Variants in GALNT7 observed in about 807,000 individuals in gnomAD.
GALNT7 encodes the protein polypeptide N-acetylgalactosaminyltransferase 7, also known as N-acetylgalactosaminyltransferase 7.
GALNT7 carries 60 observed loss-of-function variants against 82.1 expected under a neutral mutation model. The ratio of observed to expected loss-of-function variants is 0.73; its 90% confidence interval spans 0.59 to 0.91. The LOEUF is 0.91. Among genes scored for constraint, GALNT7 ranks in the 40% least tolerant of loss-of-function variants. The probability of loss-of-function intolerance (pLI) is 0.00; values close to 1 mark genes in which losing one functional copy is unlikely to be tolerated. For missense variants in GALNT7, 660 were observed against 804.2 expected (o/e 0.82, Z 2.17); for synonymous variants, 243 against 275.1 (o/e 0.88, Z 1.15).
chr4:173,268,755 G>A (rs1413499828), intron 2 of GALNT7, among the ~76,000 whole-genome samples: 1 of 150,336 alleles, frequency 6.7e-6, no homozygotes, highest in Non-Finnish European at 1.5e-5. Flanking sequence ...TAGCCAGGAT[G>A]GTCTCAATCT....
Position 173,303,995 on chromosome 4 carries a change from G to C in GALNT7, c.1267-1G>C. On this transcript the variant is annotated splice_acceptor_variant, in intron 7 of 11. Coordinates refer to ENST00000265000, the MANE Select transcript of GALNT7 (RefSeq NM_017423.3). LOFTEE classifies it high-confidence loss of function. ...TTTCACAACGTGTTTTTCCTTCATA[G>C]ATATGGCAGTGTGGTGGCAAATTAT... 2 of 1,605,194 alleles carry C rather than the reference G, an allele frequency of 1.2e-6. No individual in the cohort carries two copies. The highest frequency in any genetic ancestry group is 1.7e-6 in the Non-Finnish European group (2 of 1,175,892).
chr4:173,168,912 C>T lies in GALNT7; in HGVS notation c.77C>T (p.Ser26Phe), dbSNP rs998157570. The change falls in exon 1 of 12, where the codon TCT (serine) becomes TTT (phenylalanine). Residue 26 changes from serine (S) to phenylalanine (F), a missense_variant. Ser to Phe is a radical substitution (Grantham distance 155, BLOSUM62 -2). This residue lies in a region of GALNT7 where 133 missense variants were observed against 120.7 expected (regional missense o/e 1.10). Transcript: ENST00000265000. ...TTCCTGGGGCTAGTGGTCCTCTGGTCTTCCCTGACCCCGCGGCCGGACGAC... is the reference window on the plus strand; with the variant it reads ...TTCCTGGGGCTAGTGGTCCTCTGGTTTTCCCTGACCCCGCGGCCGGACGAC... ...GSFLGLVVLW[S>F]SLTPRPDDPS... 3 of 1,613,786 alleles carry T rather than the reference C, an allele frequency of 1.9e-6. No individual in the cohort carries two copies. Among genetic ancestry groups the T allele is most frequent in the Non-Finnish European group, 2.5e-6 (3 of 1,179,806 alleles).
intron 1 of GALNT7, among the ~76,000 whole-genome samples, chr4:173,190,984 G>T (rs185995501): frequency 6.1e-4 from 93 of 152,014 alleles, no homozygotes; most frequent in Non-Finnish European, 7.9e-4. Context: ...GTCATGGAAG[G>T]TTATAAGCAA....
At chr4:173,287,669 AT>A (rs1736374411) in intron 2 of GALNT7, among the ~76,000 whole-genome samples, 1 of 152,182 alleles carries the variant, frequency 6.6e-6, no homozygotes, top group Admixed American at 6.5e-5. Context: ...TATGACCTTC[AT>A]TTATGGTCCT....
intron 1 of GALNT7, among the ~76,000 whole-genome samples, chr4:173,195,129 T>C (rs963543860): frequency 6.6e-6 from 1 of 152,194 alleles, no homozygotes; most frequent in African/African-American, 2.4e-5. Context: ...AAATATTAAT[T>C]TGGAATTAAT....
At chr4:173,233,206 A>C (rs746411336) in intron 1 of GALNT7, among the ~76,000 whole-genome samples, 19 of 152,220 alleles carry the variant, frequency 1.2e-4, no homozygotes, top group Non-Finnish European at 2.5e-4. Flanking sequence ...ATGACAGTGC[A>C]GGTATCCTTT....
chr4:173,176,961 C>T (rs1485071127), intron 1 of GALNT7, among the ~76,000 whole-genome samples: 2 of 152,074 alleles, frequency 1.3e-5, no homozygotes, highest in Non-Finnish European at 2.9e-5. Flanking sequence ...GGAGAAGGAC[C>T]TAGAAACTGA....
chr4:173,180,227 CTTGA>C (rs1732199182), intron 1 of GALNT7, among the ~76,000 whole-genome samples: 1 of 148,832 alleles, frequency 6.7e-6, no homozygotes, highest in Non-Finnish European at 1.5e-5. Context: ...TTTTTTTTTG[CTTGA>C]TTGTTTAATG....
intron 1 of GALNT7, among the ~76,000 whole-genome samples, chr4:173,224,827 A>T (rs1329458407): frequency 1.3e-5 from 2 of 151,554 alleles, no homozygotes; most frequent in Non-Finnish European, 2.9e-5. Context: ...CCTGGCTAAC[A>T]CGGTGAAACC....
Position 173,314,091 on chromosome 4 carries a change from A to C in GALNT7, c.1523A>C (p.Lys508Thr). 6.2e-7 allele frequency: 1 copy of C among 1,614,004 alleles called. No individual in the cohort carries two copies. The highest frequency in any genetic ancestry group is 1.3e-5 in the African/African-American group (1 of 75,038). The change falls in exon 9 of 12, where the codon AAA becomes ACA. Residue 508 changes from lysine (K) to threonine (T), a missense_variant. Coordinates refer to ENST00000265000, the MANE Select transcript of GALNT7 (RefSeq NM_017423.3). ...LKKFREDHNC[K>T]SFKWFMEEIA... The stretch of plus-strand genomic sequence containing the variant: ...AAATTTCGAGAAGATCACAACTGCA[A>C]AAGTTTTAAGTGGTTCATGGAAGAA...
intron 1 of GALNT7, among the ~76,000 whole-genome samples, chr4:173,174,944 A>C (rs1731988724): frequency 1.3e-5 from 2 of 152,244 alleles, no homozygotes; most frequent in Admixed American, 6.5e-5. Context: ...GTTCCTGTAT[A>C]AACTGTTAGA....
chr4:173,301,035 TGAG>T (rs1233270627), intron 6 of GALNT7, among the ~76,000 whole-genome samples: 1 of 151,646 alleles, frequency 6.6e-6, no homozygotes, highest in African/African-American at 2.4e-5. Context: ...CTCAGGAGGC[TGAG>T]GTGGGAGGAC....
chr4:173,308,931 CACTG>C (rs1388564684), intron 8 of GALNT7, among the ~76,000 whole-genome samples: 1 of 152,074 alleles, frequency 6.6e-6, no homozygotes, highest in East Asian at 1.9e-4. Context: ...AGGAAAATCC[CACTG>C]ACTCTTTTCA....
intron 2 of GALNT7, among the ~76,000 whole-genome samples, chr4:173,253,302 G>A (rs914899924): frequency 3.9e-5 from 6 of 152,202 alleles, no homozygotes; most frequent in Admixed American, 3.3e-4. Flanking sequence ...TGAACATGTA[G>A]TAGAAGACAT....
intron 1 of GALNT7, among the ~76,000 whole-genome samples, chr4:173,228,916 C>T (rs1367588012): frequency 6.6e-6 from 1 of 152,156 alleles, no homozygotes; most frequent in East Asian, 1.9e-4. Context: ...GTGAGATCTG[C>T]ATGTGACCAA....
chr4:173,200,433 C>G (rs1732909265), intron 1 of GALNT7, among the ~76,000 whole-genome samples: 1 of 151,582 alleles, frequency 6.6e-6, no homozygotes, highest in Non-Finnish European at 1.5e-5. Context: ...TTTCCAAAAT[C>G]TATGGGATTC....
At chr4:173,229,405 G>T (rs2126705581) in intron 1 of GALNT7, among the ~76,000 whole-genome samples, 1 of 152,234 alleles carries the variant, frequency 6.6e-6, no homozygotes, top group South Asian at 2.1e-4. Flanking sequence ...GAATATATTT[G>T]TTTTAGCATT....
At chr4:173,259,013 C>T (rs186098829) in intron 2 of GALNT7, among the ~76,000 whole-genome samples, 1 of 152,304 alleles carries the variant, frequency 6.6e-6, no homozygotes, top group Admixed American at 6.5e-5. Flanking sequence ...TTAGCAGCAT[C>T]TGTGGCATCT....
intron 3 of GALNT7, among the ~76,000 whole-genome samples, chr4:173,294,535 A>C (rs950478499): frequency 4.6e-5 from 7 of 152,090 alleles, no homozygotes; most frequent in Non-Finnish European, 8.8e-5. Context: ...GTGATTGCAT[A>C]TTCATGGGCC....
Sources: allele counts gnomAD v4.1 joint callset (sites outside exome capture counted in the v4.1 genomes callset), GRCh38; gene constraint gnomAD v4.1.1; regional missense constraint gnomAD v4.1.1; transcripts MANE v1.5; gene names NCBI Gene and HGNC (gene_info 2026-07-23, HGNC 2026-07-21).